TOP1: variants seen among roughly 807,000 people sequenced by gnomAD.
TOP1 encodes DNA topoisomerase I, also known as DNA topoisomerase 1.
A neutral mutation model predicts 111.1 loss-of-function variants in TOP1; 10 were observed. The ratio of observed to expected loss-of-function variants is 0.09; its 90% CI spans 0.06 to 0.15. The LOEUF (loss-of-function observed/expected upper bound fraction) is 0.15. Among genes scored for constraint, TOP1 ranks in the 10% least tolerant of loss-of-function variants. TOP1 has a pLI of 1.00. For missense variants in TOP1, 474 were observed against 926.7 expected (o/e 0.51, Z 6.34); for synonymous variants, 271 against 302.9 (o/e 0.89, Z 1.10).
intron 14 of TOP1, 27 bp from the exon 15 acceptor site, chr20:41,113,943 C>G: frequency 2.5e-6 from 4 of 1,569,166 alleles, no homozygotes; most frequent in South Asian, 1.1e-5. Context: ...TCCATTCATG[C>G]TCATCTTTTC....
chr20:41,064,068 A>G (rs950005414), intron 3 of TOP1, among the ~76,000 whole-genome samples: 4 of 152,104 alleles, frequency 2.6e-5, no homozygotes, highest in Admixed American at 2.6e-4. Context: ...TATTTGATTC[A>G]TCTTGAATTG....
In TOP1 at chr20:41,124,097, T is replaced by C. The variant is rs2034459307; in HGVS notation, c.*800T>C. ...ACCATTTTCCCATCATCCTTTGTTC[T>C]GAGCATTCGCTGTACCCTTTAAGAT... On this transcript the variant is annotated 3_prime_UTR_variant, in exon 21 of 21. Coordinates refer to ENST00000361337, the MANE Select transcript of TOP1 (RefSeq NM_003286.4). The surrounding 1 kb of genome is among the most constrained non-coding windows in gnomAD (Gnocchi z 5.4). 1 of 233,240 alleles carries C rather than the reference T, an allele frequency of 4.3e-6. No homozygotes were observed. Among genetic ancestry groups the C allele is most frequent in the Non-Finnish European group, 8.5e-6 (1 of 117,860 alleles). 14.4% of individuals were successfully genotyped at this position (233,240 alleles called of 1,614,324 possible). A position where few individuals can be genotyped will look rare whatever the true frequency, so the allele number is the denominator to read the frequency against.
intron 3 of TOP1, among the ~76,000 whole-genome samples, chr20:41,070,767 G>A (rs1478836843): frequency 6.6e-6 from 1 of 152,188 alleles, no homozygotes; most frequent in Non-Finnish European, 1.5e-5. Flanking sequence ...ATATGTGGAG[G>A]CTCCTTCTAC....
At position 41,078,418 on chromosome 20, in the gene TOP1, T is replaced by C. The variant is rs1344178024; in HGVS notation, c.335+781T>C. On this transcript the variant is annotated intron_variant, in intron 5 of 20. Coordinates refer to ENST00000361337, the MANE Select transcript of TOP1 (RefSeq NM_003286.4). The surrounding 1 kb of genome is among the most constrained non-coding windows in gnomAD (Gnocchi z 5.3). ...CATTATTGACTGGGACAAAACACTT[T>C]GAGAGTTTTGCTTCCTTGAATCTTT... 6.6e-6 allele frequency among the ~76,000 whole-genome samples: 1 copy of C among 152,332 alleles called. No homozygotes were observed. The highest frequency in any genetic ancestry group is 6.5e-5 in the Admixed American group (1 of 15,296).
intron 2 of TOP1, among the ~76,000 whole-genome samples, chr20:41,049,274 G>A (rs564582042): frequency 2.1e-4 from 32 of 152,308 alleles, no homozygotes; most frequent in African/African-American, 6.3e-4. Flanking sequence ...TGGGCACTTT[G>A]GAAATTGTAG....
At chr20:41,077,968 T>C (rs1451201457) in intron 5 of TOP1, among the ~76,000 whole-genome samples, 4 of 143,896 alleles carry the variant, frequency 2.8e-5, no homozygotes, top group Non-Finnish European at 6.2e-5. Flanking sequence ...TTTTTTTTTT[T>C]TTAGTATATT....
At chr20:41,066,615 C>T (rs2033611260) in intron 3 of TOP1, among the ~76,000 whole-genome samples, 1 of 143,444 alleles carries the variant, frequency 7.0e-6, no homozygotes, top group Admixed American at 7.2e-5. Flanking sequence ...AGTGCAGTGA[C>T]ACAATCTCGG....
At position 41,116,163 on chromosome 20, in the gene TOP1, G is replaced by GGCAATAAACTTCCCAC. The variant is rs2034326771; in HGVS notation, c.1708-115_1708-114insGCAATAAACTTCCCAC. On this transcript the variant is annotated intron_variant, in intron 16 of 20. Transcript: ENST00000361337. This position sits in a 1 kb window ranked among gnomAD's most constrained non-coding sequence, Gnocchi z 5.6. ...TTCCTCTTTCCCTAACTTCCCACTTGTAGGGCAATAAACTTGACAAGATTG... is the reference window on the plus strand; with the variant it reads ...TTCCTCTTTCCCTAACTTCCCACTTGGCAATAAACTTCCCACTAGGGCAATAAACTTGACAAGATTG... 1 of 653,998 alleles carries GGCAATAAACTTCCCAC rather than the reference G, an allele frequency of 1.5e-6. No homozygotes were observed. Among genetic ancestry groups the GGCAATAAACTTCCCAC allele is most frequent in the South Asian group, 1.8e-5 (1 of 54,242 alleles). The allele number at this position is 653,998 out of a possible 1,614,324, so 40.5% of individuals were successfully genotyped here.
intron 2 of TOP1, among the ~76,000 whole-genome samples, chr20:41,035,563 T>C (rs962764539): frequency 6.6e-6 from 1 of 152,216 alleles, no homozygotes; most frequent in Non-Finnish European, 1.5e-5. Context: ...AACAGATCCC[T>C]GGGTATTCTG....
chr20:41,113,189 C>T (rs959609435), intron 14 of TOP1, among the ~76,000 whole-genome samples: 1 of 151,986 alleles, frequency 6.6e-6, no homozygotes, highest in African/African-American at 2.4e-5. Context: ...CAGGTATCAC[C>T]ATTATATAGT....
chr20:41,072,190 A>G (rs1456635264), intron 3 of TOP1: 1 of 970,362 alleles, frequency 1.0e-6, no homozygotes. Context: ...TAACCTGGCT[A>G]ATATTATAGC....
chr20:41,077,265 C>T (rs1285574596), intron 4 of TOP1, among the ~76,000 whole-genome samples: 1 of 152,174 alleles, frequency 6.6e-6, no homozygotes, highest in Non-Finnish European at 1.5e-5. Flanking sequence ...TGTTTCCTCT[C>T]TGCACTGCCA....
In TOP1 at chr20:41,083,856, T is replaced by G. The variant is rs1418653719; in HGVS notation, c.508-606T>G. On this transcript the variant is annotated intron_variant, in intron 7 of 20. Coordinates refer to ENST00000361337, the MANE Select transcript of TOP1 (RefSeq NM_003286.4). This position sits in a 1 kb window ranked among gnomAD's most constrained non-coding sequence, Gnocchi z 7.2. The stretch of plus-strand genomic sequence containing the variant: ...CTGTTTAGGTTTGATGCCCGTTTAT[T>G]GTGTCACTGTGATCAGCTCATTTAC... Among the ~76,000 whole-genome samples the G allele has an allele frequency of 6.6e-6, 1 of 152,188 alleles. No homozygotes were observed.
At chr20:41,051,291 G>A (rs1219146928) in intron 2 of TOP1, among the ~76,000 whole-genome samples, 1 of 152,142 alleles carries the variant, frequency 6.6e-6, no homozygotes, top group Non-Finnish European at 1.5e-5. Context: ...TCAAAAGGCA[G>A]TGTAAAGGGG....
rs1800957229 is a variant in TOP1, at chr20:41,115,977, C to T, written c.1708-301C>T. 6.6e-6 allele frequency among the ~76,000 whole-genome samples: 1 copy of T among 152,142 alleles called. No individual in the cohort carries two copies. On this transcript the variant is annotated intron_variant, in intron 16 of 20. Transcript: ENST00000361337. This position sits in a 1 kb window ranked among gnomAD's most constrained non-coding sequence, Gnocchi z 6.3. ...TGTAGTCCCAGCTGCTTAGGAGCCT[C>T]AGAAGGATTGCATGAGCCCGGGAGG...
chr20:41,118,127 G>A lies in TOP1; in HGVS notation c.1823-42G>A, dbSNP rs377468670. Reference sequence around the variant, plus strand: ...GACATACTGTGTGTTCACTTTTGGTGTACAAACTGACCCTCTTGCTACCAT... The same window carrying A: ...GACATACTGTGTGTTCACTTTTGGTATACAAACTGACCCTCTTGCTACCAT... On this transcript the variant is annotated intron_variant, in intron 17 of 20. Transcript: ENST00000361337. This position sits in a 1 kb window ranked among gnomAD's most constrained non-coding sequence, Gnocchi z 4.6. The A allele has an allele frequency of 1.7e-5, 27 of 1,600,420 alleles. No homozygotes were observed. In the African/African-American group the frequency reaches 2.8e-4, roughly 17 times the overall value.
chr20:41,089,020 C>CTTGTTTTTTTTTTTTTTTTT (rs2033883433), intron 8 of TOP1, among the ~76,000 whole-genome samples: 1 of 77,926 alleles, frequency 1.3e-5, no homozygotes, highest in Non-Finnish European at 2.2e-5. Flanking sequence ...TGCCCCAGTT[C>CTTGTTTTTTTTTTTTTTTTT]TTTTTTTTTT....
At chr20:41,063,901 G>C (rs1007434859) in intron 3 of TOP1, among the ~76,000 whole-genome samples, 5 of 151,960 alleles carry the variant, frequency 3.3e-5, no homozygotes, top group African/African-American at 9.7e-5. Context: ...TGTTAACTCT[G>C]TTGATAGTTT....
At position 41,071,881 on chromosome 20, in the gene TOP1, A is replaced by T. The variant is rs2033672845; in HGVS notation, c.156-4290A>T. 6.6e-6 allele frequency among the ~76,000 whole-genome samples: 1 copy of T among 152,230 alleles called. No individual in the cohort carries two copies. On this transcript the variant is annotated intron_variant, in intron 3 of 20. Coordinates refer to ENST00000361337, the MANE Select transcript of TOP1 (RefSeq NM_003286.4). This position sits in a 1 kb window ranked among gnomAD's most constrained non-coding sequence, Gnocchi z 4.3. The stretch of plus-strand genomic sequence containing the variant: ...TTCTCGTTCAGAGTTCCTCATGCCC[A>T]TGGGGTAAATTCATATTTCATCCAT...
Sources: gnomAD v4.1 joint callset for allele counts (sites outside exome capture counted in the v4.1 genomes callset) on GRCh38, gnomAD v4.1.1 for gene constraint, Gnocchi (gnomAD v3.1) non-coding constraint, MANE v1.5 for transcripts, NCBI Gene and HGNC (gene_info 2026-07-23, HGNC 2026-07-21) for gene names.